The following PTPRZ1 variants were observed in gnomAD, a reference collection of about 807,000 sequenced individuals.
The protein encoded by PTPRZ1 is protein tyrosine phosphatase receptor type Z1, also known as receptor-type tyrosine-protein phosphatase zeta.
Under a neutral mutation model 214.1 loss-of-function variants are expected in PTPRZ1, and 82 were observed. That is an observed-to-expected ratio of 0.38 (90% CI 0.32 to 0.46). The LOEUF (loss-of-function observed/expected upper bound fraction) is 0.46. Ranked by LOEUF, PTPRZ1 falls within the 20% of genes least tolerant of loss-of-function variation. PTPRZ1 has a pLI of 1.00. For synonymous variants in PTPRZ1, 945 were observed against 987.9 expected, an observed-to-expected ratio of 0.96 and a Z score of 0.81; for missense variants, 2,603 against 2,748.7, an observed-to-expected ratio of 0.95 and a Z score of 1.19.
intron 14 of PTPRZ1, 34 bp downstream of exon 14, chr7:122,028,677 T>TA (rs1320449450): frequency 9.7e-6 from 14 of 1,449,966 alleles, no homozygotes; most frequent in Non-Finnish European, 1.4e-5. Context: ...GAGTAGCTGG[T>TA]AGATGTTGAA....
intron 8 of PTPRZ1, among the ~76,000 whole-genome samples, chr7:121,986,384 G>A (rs748388842): frequency 1.3e-5 from 2 of 152,110 alleles, no homozygotes; most frequent in Non-Finnish European, 2.9e-5. Context: ...CATTTATACA[G>A]GAACATAATT....
chr7:121,962,827 G>T (rs998200545), intron 2 of PTPRZ1, among the ~76,000 whole-genome samples: 2 of 151,898 alleles, frequency 1.3e-5, no homozygotes, highest in Non-Finnish European at 2.9e-5. Context: ...GCCTCCCAAA[G>T]TGCTGGGATT....
intron 1 of PTPRZ1, among the ~76,000 whole-genome samples, chr7:121,922,452 G>T (rs1164211327): frequency 6.6e-6 from 1 of 152,152 alleles, no homozygotes; most frequent in Non-Finnish European, 1.5e-5. Flanking sequence ...AGCTACTCGG[G>T]AGGCTGAGGC....
intron 1 of PTPRZ1, among the ~76,000 whole-genome samples, chr7:121,910,657 A>G (rs938953760): frequency 2.0e-5 from 3 of 152,176 alleles, no homozygotes; most frequent in Non-Finnish European, 4.4e-5. Flanking sequence ...GGAAGGGAAG[A>G]AAAAAGAGAA....
At position 121,982,328 on chromosome 7, in the gene PTPRZ1, G is replaced by A. The variant is rs978387851; in HGVS notation, c.620-1337G>A. Reference sequence around the variant, plus strand: ...CAGCTCTTCCTATCTGGTAGTGAAAGTTTTCCAGCTTTATTATTTTTCAAG... The same window carrying A: ...CAGCTCTTCCTATCTGGTAGTGAAAATTTTCCAGCTTTATTATTTTTCAAG... On this transcript the variant is annotated intron_variant, in intron 6 of 29. Transcript: ENST00000393386. Among the ~76,000 whole-genome samples the A allele has an allele frequency of 2.6e-5, 4 of 152,230 alleles. No homozygotes were observed. The East Asian group carries it at 5.8e-4, about 22-fold the overall frequency.
At chr7:122,049,137 A>G (rs1371636591) in intron 23 of PTPRZ1, among the ~76,000 whole-genome samples, 1 of 152,110 alleles carries the variant, frequency 6.6e-6, no homozygotes, top group Non-Finnish European at 1.5e-5. Context: ...CAAATTCTAT[A>G]TTGTTCATTT....
intron 2 of PTPRZ1, among the ~76,000 whole-genome samples, chr7:121,944,801 T>A (rs1796323773): frequency 6.6e-6 from 1 of 151,926 alleles, no homozygotes; most frequent in Non-Finnish European, 1.5e-5. Context: ...CACCACCATG[T>A]CCAGCTAATT....
intron 1 of PTPRZ1, among the ~76,000 whole-genome samples, chr7:121,914,530 CA>C (rs1444262164): frequency 6.6e-6 from 1 of 152,124 alleles, no homozygotes; most frequent in Non-Finnish European, 1.5e-5. Context: ...GAGGAAGTTA[CA>C]GTGGCATTAA....
At position 122,061,209 on chromosome 7, in the gene PTPRZ1, T is replaced by C; in HGVS notation, c.6937T>C (p.Ser2313Pro). The change falls in exon 30 of 30, where the codon TCT becomes CCT. Residue 2313 changes from serine to proline, a missense_variant. Physicochemically the swap from Ser to Pro is moderately conservative, Grantham distance 74. This residue lies in a region of PTPRZ1 where 165 missense variants were observed against 151.4 expected (regional missense o/e 1.09). Transcript: ENST00000393386. ...TGGAAATATAGCTGAGAGCTTAGAG[T>C]CTTTAGTTTAACACAGAAAGGGGTG... ...PDGNIAESLE[S>P]LV 1.3e-6 allele frequency: 2 copies of C among 1,597,250 alleles called. No individual in the cohort carries two copies. The highest frequency in any genetic ancestry group is 1.7e-6 in the Non-Finnish European group (2 of 1,170,482).
At chr7:121,982,440 G>T (rs182980770) in intron 6 of PTPRZ1, among the ~76,000 whole-genome samples, 111 of 152,166 alleles carry the variant, frequency 7.3e-4, no homozygotes, top group Middle Eastern at 3.4e-3. Flanking sequence ...TTTTAATTAG[G>T]ATTTCATTGA....
chr7:121,902,027 C>G (rs6971645), intron 1 of PTPRZ1, among the ~76,000 whole-genome samples: 25,820 of 152,086 alleles, frequency 0.17, 2,471 homozygotes, highest in East Asian at 0.29. Context: ...CTACTCTCAC[C>G]AGCAGGTAGT....
intron 14 of PTPRZ1, among the ~76,000 whole-genome samples, chr7:122,030,904 T>TA (rs1799349893): frequency 1.3e-5 from 2 of 152,074 alleles, no homozygotes; most frequent in Admixed American, 6.6e-5. Flanking sequence ...TTTTACAGAT[T>TA]AAAAGTCCCA....
chr7:121,939,322 A>G (rs1796176630), intron 2 of PTPRZ1, among the ~76,000 whole-genome samples: 1 of 152,246 alleles, frequency 6.6e-6, no homozygotes, highest in African/African-American at 2.4e-5. Context: ...AAACAAAGGC[A>G]GAGCCACCTA....
At chr7:122,015,058 T>C (rs1176105823) in intron 12 of PTPRZ1, among the ~76,000 whole-genome samples, 1 of 152,202 alleles carries the variant, frequency 6.6e-6, no homozygotes, top group Non-Finnish European at 1.5e-5. Flanking sequence ...AGATGTTTCT[T>C]AGAGCAGATT....
chr7:121,896,190 A>C (rs1220715559), intron 1 of PTPRZ1, among the ~76,000 whole-genome samples: 1 of 152,226 alleles, frequency 6.6e-6, no homozygotes, highest in Non-Finnish European at 1.5e-5. Flanking sequence ...TTGTGATAAA[A>C]ACACATAACT....
At chr7:121,898,392 C>G (rs1464879905) in intron 1 of PTPRZ1, among the ~76,000 whole-genome samples, 1 of 152,000 alleles carries the variant, frequency 6.6e-6, no homozygotes, top group Non-Finnish European at 1.5e-5. Flanking sequence ...CAGAAAGCGG[C>G]TCTGCTGTTA....
chr7:121,947,848 T>C (rs1234462070), intron 2 of PTPRZ1, among the ~76,000 whole-genome samples: 1 of 152,166 alleles, frequency 6.6e-6, no homozygotes, highest in Non-Finnish European at 1.5e-5. Flanking sequence ...TTCCTTTTAA[T>C]GTGCATACTG....
At chr7:121,938,309 C>T (rs953203184) in intron 2 of PTPRZ1, among the ~76,000 whole-genome samples, 3 of 152,214 alleles carry the variant, frequency 2.0e-5, no homozygotes, top group Non-Finnish European at 4.4e-5. Context: ...CAAATAGGTA[C>T]AACCCATTGC....
At chr7:121,908,926 A>G (rs1392191430) in intron 1 of PTPRZ1, 1 of 516,946 alleles carries the variant, frequency 1.9e-6, no homozygotes, top group Non-Finnish European at 3.9e-6. Context: ...ATCTCATGGG[A>G]ATTCATTTAG....
Sources: allele counts gnomAD v4.1 joint callset (sites outside exome capture counted in the v4.1 genomes callset), GRCh38; gene constraint gnomAD v4.1.1; regional missense constraint gnomAD v4.1.1; transcripts MANE v1.5; gene names NCBI Gene and HGNC (gene_info 2026-07-23, HGNC 2026-07-21).